ESRRG: variants seen among roughly 807,000 people sequenced by gnomAD.
ESRRG encodes estrogen related receptor gamma, also known as estrogen-related receptor gamma.
ESRRG carries 13 observed loss-of-function variants against 44.0 expected under a neutral mutation model. The ratio of observed to expected loss-of-function variants is 0.30; its 90% CI spans 0.19 to 0.47. The LOEUF (loss-of-function observed/expected upper bound fraction) is 0.47, where lower values mean the gene tolerates loss of function less well. ESRRG is among the 20% of genes least tolerant of loss of function. ESRRG has a pLI of 1.00. For missense variants in ESRRG, 395 were observed against 580.6 expected (o/e 0.68, Z 3.29); for synonymous variants, 215 against 214.6 (o/e 1.00, Z -0.02).
chr1:217,104,969 G>A (rs1448031787), intron 1 of ESRRG, among the ~76,000 whole-genome samples: 1 of 151,980 alleles, frequency 6.6e-6, no homozygotes, highest in East Asian at 1.9e-4. Context: ...AATGATCATG[G>A]CTAATCATGT....
intron 2 of ESRRG, among the ~76,000 whole-genome samples, chr1:216,869,068 G>A (rs566450759): frequency 6.6e-6 from 1 of 152,192 alleles, no homozygotes; most frequent in South Asian, 2.1e-4. Context: ...AATTTTGTTG[G>A]AGACCAATTT....
chr1:216,737,995 CTTTTTTTTTT>C (rs144453643), intron 2 of ESRRG, among the ~76,000 whole-genome samples: 1 of 119,640 alleles, frequency 8.4e-6, no homozygotes, highest in East Asian at 2.5e-4. Flanking sequence ...TGAGACATCA[CTTTTTTTTTT>C]TTTTTTTTTT....
intron 2 of ESRRG, among the ~76,000 whole-genome samples, chr1:216,847,496 C>T (rs769583829): frequency 1.3e-5 from 2 of 151,986 alleles, no homozygotes; most frequent in Non-Finnish European, 2.9e-5. Flanking sequence ...AGTATGAACG[C>T]TTTTTGCATT....
chr1:216,644,577 T>C (rs1498281), intron 3 of ESRRG, among the ~76,000 whole-genome samples: 124,236 of 151,724 alleles, frequency 0.82, 51,072 homozygotes, highest in African/African-American at 0.86. Flanking sequence ...TACAGGTGTG[T>C]GCCACCACAC....
At chr1:216,850,555 T>C (rs1375884747) in intron 2 of ESRRG, among the ~76,000 whole-genome samples, 2 of 152,090 alleles carry the variant, frequency 1.3e-5, no homozygotes, top group African/African-American at 4.8e-5. Flanking sequence ...ATATATAATG[T>C]ATATGTTTAG....
chr1:216,648,076 T>A (rs970645214), intron 3 of ESRRG, among the ~76,000 whole-genome samples: 1 of 152,154 alleles, frequency 6.6e-6, no homozygotes, highest in Non-Finnish European at 1.5e-5. Flanking sequence ...ATTTACTACA[T>A]CATGTTCTCT....
chr1:216,529,280 C>A (rs2048575986), intron 5 of ESRRG, among the ~76,000 whole-genome samples: 1 of 152,066 alleles, frequency 6.6e-6, no homozygotes, highest in Admixed American at 6.6e-5. Context: ...AGGTCAGAAC[C>A]AGGATCACAT....
intron 1 of ESRRG, among the ~76,000 whole-genome samples, chr1:217,055,787 A>G (rs2086966418): frequency 1.3e-5 from 2 of 152,194 alleles, no homozygotes; most frequent in African/African-American, 4.8e-5. Flanking sequence ...GTCTCCAACT[A>G]TACTAAAATT....
intron 2 of ESRRG, among the ~76,000 whole-genome samples, chr1:216,873,472 T>A (rs960193857): frequency 6.6e-6 from 1 of 151,846 alleles, no homozygotes; most frequent in African/African-American, 2.4e-5. Context: ...TCAGTCCCCA[T>A]CAAAGTGCTG....
intron 1 of ESRRG, among the ~76,000 whole-genome samples, chr1:217,052,162 G>A (rs2086171534): frequency 6.6e-6 from 1 of 152,204 alleles, no homozygotes; most frequent in Non-Finnish European, 1.5e-5. Flanking sequence ...CGATCAGAAT[G>A]ATTTCAAGAT....
At chr1:216,947,060 A>G (rs2066175512) in intron 1 of ESRRG, among the ~76,000 whole-genome samples, 1 of 152,146 alleles carries the variant, frequency 6.6e-6, no homozygotes, top group Non-Finnish European at 1.5e-5. Context: ...AATCAGAAAC[A>G]GAGAAATTAT....
At chr1:217,086,704 T>G (rs1198774229) in intron 1 of ESRRG, among the ~76,000 whole-genome samples, 4 of 152,226 alleles carry the variant, frequency 2.6e-5, no homozygotes, top group African/African-American at 9.6e-5. Context: ...TAATGTGGCT[T>G]TTGGCATTTC....
At chr1:216,880,568 T>C (rs2096430756) in intron 2 of ESRRG, among the ~76,000 whole-genome samples, 1 of 152,142 alleles carries the variant, frequency 6.6e-6, no homozygotes, top group African/African-American at 2.4e-5. Flanking sequence ...ACTGCATTCA[T>C]AATTTTCTAA....
chr1:217,044,103 C>T (rs926930029), intron 1 of ESRRG, among the ~76,000 whole-genome samples: 5 of 152,184 alleles, frequency 3.3e-5, no homozygotes, highest in Admixed American at 6.5e-5. Context: ...CAATAATTGG[C>T]TTTCAAGTTT....
intron 5 of ESRRG, among the ~76,000 whole-genome samples, chr1:216,544,329 A>C (rs541628258): frequency 9.3e-4 from 142 of 152,192 alleles, no homozygotes; most frequent in African/African-American, 3.3e-3. Context: ...TTCCTTAAAA[A>C]TAATTACATA....
intron 1 of ESRRG, among the ~76,000 whole-genome samples, chr1:217,046,326 T>A (rs2151184728): frequency 6.6e-6 from 1 of 152,272 alleles, no homozygotes; most frequent in South Asian, 2.1e-4. Flanking sequence ...AGGTGTTGGA[T>A]TGACCAAATG....
intron 1 of ESRRG, among the ~76,000 whole-genome samples, chr1:217,084,495 A>G (rs12127523): frequency 0.16 from 24,736 of 152,156 alleles, 2,310 homozygotes; most frequent in Admixed American, 0.22. Context: ...GAGCCACTCT[A>G]TAACGTAGAT....
At chr1:216,622,540 C>G (rs903812133) in intron 3 of ESRRG, among the ~76,000 whole-genome samples, 2 of 151,896 alleles carry the variant, frequency 1.3e-5, no homozygotes, top group African/African-American at 4.8e-5. Context: ...ATTTTGTTTA[C>G]TATGATATTA....
intron 1 of ESRRG, among the ~76,000 whole-genome samples, chr1:217,035,411 G>A (rs947608750): frequency 6.6e-6 from 1 of 151,526 alleles, no homozygotes; most frequent in African/African-American, 2.4e-5. Context: ...AGTCCTAGTG[G>A]GTACATAAGA....
Sources: allele counts gnomAD v4.1 joint callset (sites outside exome capture counted in the v4.1 genomes callset), GRCh38; gene constraint gnomAD v4.1.1; transcripts MANE v1.5; gene names NCBI Gene and HGNC (gene_info 2026-07-23, HGNC 2026-07-21).